The following RABGAP1L variants were observed in gnomAD, a reference collection of about 807,000 sequenced individuals.
RABGAP1L encodes the protein rab GTPase-activating protein 1-like.
A neutral mutation model predicts 137.7 loss-of-function variants in RABGAP1L; 63 were observed. That is an observed-to-expected ratio of 0.46 (90% CI 0.37 to 0.56). RABGAP1L has a LOEUF of 0.56. Among genes scored for constraint, RABGAP1L ranks in the 20% least tolerant of loss-of-function variants. The pLI is 0.00. For missense variants in RABGAP1L, 1,095 were observed against 1,244.0 expected, an observed-to-expected ratio of 0.88 and a Z score of 1.80; for synonymous variants, 431 against 433.7, an observed-to-expected ratio of 0.99 and a Z score of 0.08.
At chr1:174,288,944 G>C (rs1258808819) in intron 10 of RABGAP1L, among the ~76,000 whole-genome samples, 1 of 151,970 alleles carries the variant, frequency 6.6e-6, no homozygotes, top group East Asian at 1.9e-4. Context: ...ACTCATCTTT[G>C]AGTTCACTGA....
chr1:174,929,326 G>A (rs1663340766), intron 19 of RABGAP1L, among the ~76,000 whole-genome samples: 1 of 152,160 alleles, frequency 6.6e-6, no homozygotes, highest in African/African-American at 2.4e-5. Flanking sequence ...AATTGTCTGA[G>A]ATGCCACTCT....
Position 174,601,086 on chromosome 1 carries a change from G to T in RABGAP1L, c.1711-36289G>T, listed in dbSNP as rs1376272064. Reference sequence around the variant, plus strand: ...GCAGGCTCAACACCACATGGAAGCTGCCAAGGTTTGGAGCTTCCACCCTCT... The same window carrying T: ...GCAGGCTCAACACCACATGGAAGCTTCCAAGGTTTGGAGCTTCCACCCTCT... On this transcript the variant is annotated intron_variant, in intron 13 of 25. Transcript: ENST00000681986. 2.4e-4 allele frequency among the ~76,000 whole-genome samples: 37 copies of T among 152,308 alleles called. 1 individual carries two copies. Among genetic ancestry groups the T allele is most frequent in the Non-Finnish European group, 7.3e-5 (5 of 68,030 alleles).
rs538720143 is a variant in RABGAP1L at position 174,318,998 on chromosome 1, G to A, written c.1465+13871G>A. On this transcript the variant is annotated intron_variant, in intron 11 of 25. Transcript: ENST00000681986. ...TTTAACCTTCATACTGAAGATGTAA[G>A]TGATTTACATACTGCCATTACAGTA... is the stretch of plus-strand genomic sequence containing the variant. Among the ~76,000 whole-genome samples the A allele has an allele frequency of 3.7e-4, 57 of 152,054 alleles. 1 individual carries two copies. In the South Asian group the frequency reaches 0.012, roughly 31 times the overall value.
At chr1:174,577,210 TACACACACACAC>T (rs67709003) in intron 13 of RABGAP1L, among the ~76,000 whole-genome samples, 21,676 of 126,932 alleles carry the variant, frequency 0.17, 2,035 homozygotes, top group Non-Finnish European at 0.2. Flanking sequence ...GGGGAAAAAA[TACACACACACAC>T]ACACACACAC....
intron 18 of RABGAP1L, among the ~76,000 whole-genome samples, chr1:174,797,059 T>C (rs1177564445): frequency 6.6e-6 from 1 of 152,094 alleles, no homozygotes; most frequent in Non-Finnish European, 1.5e-5. Flanking sequence ...GTATATATGA[T>C]TTTAACTTCT....
At chr1:174,207,919 C>T (rs1437904618) in intron 1 of RABGAP1L, among the ~76,000 whole-genome samples, 2 of 152,102 alleles carry the variant, frequency 1.3e-5, no homozygotes, top group Non-Finnish European at 2.9e-5. Context: ...GTTCAGTGCT[C>T]AATCAGTCTC....
chr1:174,421,316 A>G (rs934868118), intron 13 of RABGAP1L, among the ~76,000 whole-genome samples: 6 of 152,222 alleles, frequency 3.9e-5, no homozygotes, highest in African/African-American at 1.4e-4. Flanking sequence ...CCTAGGCAAC[A>G]ACAGCTTTCA....
chr1:174,792,111 G>C (rs1032256228), intron 18 of RABGAP1L, among the ~76,000 whole-genome samples: 1 of 152,158 alleles, frequency 6.6e-6, no homozygotes, highest in African/African-American at 2.4e-5. Flanking sequence ...TGAATATCTT[G>C]GCTTCCTGAC....
chr1:174,601,954 C>T (rs1670448076), intron 13 of RABGAP1L, among the ~76,000 whole-genome samples: 1 of 152,084 alleles, frequency 6.6e-6, no homozygotes, highest in African/African-American at 2.4e-5. Context: ...TACCTGAGAC[C>T]ACGTAAGCCT....
At chr1:174,421,922 C>A (rs112651592) in intron 13 of RABGAP1L, among the ~76,000 whole-genome samples, 1 of 152,136 alleles carries the variant, frequency 6.6e-6, no homozygotes, top group South Asian at 2.1e-4. Context: ...GCATGTGCCA[C>A]CATGCCTGGC....
At position 174,241,504 on chromosome 1, in the gene RABGAP1L, T is replaced by C. The variant is rs142743501; in HGVS notation, c.564T>C (p.Asn188=). 101 of 1,602,288 alleles carry C rather than the reference T, an allele frequency of 6.3e-5. No homozygotes were observed. In the Middle Eastern group the frequency reaches 6.6e-4, roughly 11 times the overall value. Residue 188 remains asparagine (N), a synonymous_variant, in exon 5 of 26, where the codon AAT becomes AAC. Coordinates refer to ENST00000681986, the MANE Select transcript of RABGAP1L (RefSeq NM_001366446.1). ...ACAGAATTATAGACCAATCCAGCAA[T>C]GTGGAGATAGCATCTTTTCCAATCT... ...GSVRIIDQSS[N]VEIASFPIYK...
chr1:174,430,123 C>T (rs956676867), intron 13 of RABGAP1L, among the ~76,000 whole-genome samples: 1 of 151,974 alleles, frequency 6.6e-6, no homozygotes, highest in African/African-American at 2.4e-5. Context: ...AGTGGCTCAC[C>T]CTTGTTATTC....
At chr1:174,465,792 C>T (rs977574237) in intron 13 of RABGAP1L, among the ~76,000 whole-genome samples, 2 of 152,140 alleles carry the variant, frequency 1.3e-5, no homozygotes, top group African/African-American at 4.8e-5. Flanking sequence ...CAACAACATG[C>T]ATGGACTTGG....
chr1:174,571,697 C>T (rs1667989680), intron 13 of RABGAP1L, among the ~76,000 whole-genome samples: 1 of 152,118 alleles, frequency 6.6e-6, no homozygotes, highest in Non-Finnish European at 1.5e-5. Context: ...TATACCAAAG[C>T]TCTTCAGACA....
chr1:174,623,922 C>G (rs1672741809), intron 13 of RABGAP1L, among the ~76,000 whole-genome samples: 3 of 152,166 alleles, frequency 2.0e-5, no homozygotes, highest in African/African-American at 7.2e-5. Flanking sequence ...TCACTACACT[C>G]TATGTCATTC....
intron 19 of RABGAP1L, among the ~76,000 whole-genome samples, chr1:174,949,306 A>C (rs1341959655): frequency 2.0e-5 from 3 of 152,280 alleles, no homozygotes; most frequent in African/African-American, 7.2e-5. Flanking sequence ...GATTTAGTAC[A>C]GCAACTATGA....
chr1:174,892,447 G>C (rs972681017), intron 19 of RABGAP1L: 5 of 439,592 alleles, frequency 1.1e-5, no homozygotes, highest in African/African-American at 1.0e-4. Context: ...TTGTTCATCA[G>C]CGTTATTTGT....
chr1:174,878,772 A>G (rs562203038), intron 19 of RABGAP1L, among the ~76,000 whole-genome samples: 1 of 152,266 alleles, frequency 6.6e-6, no homozygotes, highest in Non-Finnish European at 1.5e-5. Context: ...CTTAAGGGTT[A>G]TATCAACCAG....
intron 18 of RABGAP1L, among the ~76,000 whole-genome samples, chr1:174,775,522 A>T (rs1294789968): frequency 1.3e-5 from 2 of 152,114 alleles, no homozygotes; most frequent in Non-Finnish European, 2.9e-5. Flanking sequence ...CATGTTGGTC[A>T]GGCTGGTCTC....
Sources: allele counts gnomAD v4.1 joint callset (sites outside exome capture counted in the v4.1 genomes callset), GRCh38; gene constraint gnomAD v4.1.1; transcripts MANE v1.5; gene names NCBI Gene and HGNC (gene_info 2026-07-23, HGNC 2026-07-21).